The following AGBL1 variants were observed in gnomAD, a reference collection of about 807,000 sequenced individuals.
AGBL1 encodes the protein cytosolic carboxypeptidase 4.
Under a neutral mutation model 118.9 loss-of-function variants are expected in AGBL1, and 130 were observed. That is an observed-to-expected ratio of 1.09 (90% confidence interval 0.95 to 1.26). AGBL1 has a LOEUF of 1.26. Ranked by LOEUF, AGBL1 falls within the 50% of genes most tolerant of loss-of-function variation. The pLI is 0.00. For missense variants in AGBL1, 1,584 were observed against 1,298.1 expected (o/e 1.22, Z -3.38); for synonymous variants, 555 against 478.9 (o/e 1.16, Z -2.08).
intron 22 of AGBL1, among the ~76,000 whole-genome samples, chr15:86,807,138 G>T (rs1374186983): frequency 6.6e-6 from 1 of 152,062 alleles, no homozygotes; most frequent in Non-Finnish European, 1.5e-5. Context: ...ATAGGGGTGG[G>T]TAAAGATCTA....
At chr15:86,558,838 C>A (rs1198072989) in intron 21 of AGBL1, among the ~76,000 whole-genome samples, 1 of 152,132 alleles carries the variant, frequency 6.6e-6, no homozygotes, top group East Asian at 1.9e-4. Context: ...CTTGCAGTAG[C>A]CCAGACTGTA....
chr15:86,227,670 A>T (rs1357190527), intron 6 of AGBL1, among the ~76,000 whole-genome samples: 1 of 152,242 alleles, frequency 6.6e-6, no homozygotes, highest in Non-Finnish European at 1.5e-5. Context: ...TCAAAGTTTC[A>T]AAAGACCCCT....
At chr15:86,834,898 G>A (rs763650738) in intron 22 of AGBL1, among the ~76,000 whole-genome samples, 4 of 152,162 alleles carry the variant, frequency 2.6e-5, no homozygotes, top group African/African-American at 9.7e-5. Flanking sequence ...GGGATCCAGA[G>A]GATAAATTCT....
chr15:86,570,494 A>C lies in AGBL1; in HGVS notation c.2994+15957A>C, dbSNP rs192179040. Among the ~76,000 whole-genome samples the C allele has an allele frequency of 5.3e-5, 8 of 152,304 alleles. No homozygotes were observed. The East Asian group carries it at 7.7e-4, about 15-fold the overall frequency. ...GTAGAATATTCATAAAGATTCCTGG[A>C]AAAAGTGGGAATTTCTCAGAATTAT... On this transcript the variant is annotated intron_variant, in intron 21 of 22. Coordinates refer to ENST00000614907, the MANE Select transcript of AGBL1 (RefSeq NM_001386094.1).
chr15:86,509,218 A>C (rs919035985), intron 18 of AGBL1, among the ~76,000 whole-genome samples: 6 of 152,160 alleles, frequency 3.9e-5, no homozygotes, highest in African/African-American at 1.4e-4. Flanking sequence ...TTGTAGTCAA[A>C]GGAAGTCTCA....
chr15:86,168,394 C>T (rs1443500925), intron 5 of AGBL1, among the ~76,000 whole-genome samples: 3 of 152,090 alleles, frequency 2.0e-5, no homozygotes, highest in Non-Finnish European at 4.4e-5. Flanking sequence ...GACAAAAAAG[C>T]ATGAAAACAA....
chr15:86,467,994 T>C (rs1229324301), intron 18 of AGBL1, among the ~76,000 whole-genome samples: 4 of 152,146 alleles, frequency 2.6e-5, no homozygotes, highest in Admixed American at 2.0e-4. Context: ...GATGTTCCTT[T>C]ATTTTCTTTT....
At chr15:86,537,021 CA>C (rs1479095736) in intron 19 of AGBL1, among the ~76,000 whole-genome samples, 2 of 152,194 alleles carry the variant, frequency 1.3e-5, no homozygotes. Flanking sequence ...TCATCGCAGA[CA>C]GTGAGGGTTG....
chr15:86,714,966 G>C (rs1443209462), intron 22 of AGBL1, among the ~76,000 whole-genome samples: 2 of 152,090 alleles, frequency 1.3e-5, no homozygotes, highest in African/African-American at 4.8e-5. Context: ...TGAAATTTAG[G>C]GTTGCTCAAA....
At chr15:86,919,771 G>GGTGTT (rs2080466416), downstream of AGBL1, among the ~76,000 whole-genome samples, 1 of 152,168 alleles carries the variant, frequency 6.6e-6, no homozygotes, top group African/African-American at 2.4e-5. Context: ...TTTTATAATT[G>GGTGTT]GTGTTGTAAT....
chr15:86,209,441 G>A (rs2078053561), intron 5 of AGBL1, among the ~76,000 whole-genome samples: 2 of 152,132 alleles, frequency 1.3e-5, no homozygotes, highest in South Asian at 4.1e-4. Context: ...TTATTATTGT[G>A]TGGGAGTCTA....
chr15:86,947,326 G>T (rs1032069889), intron 23 of AGBL1, among the ~76,000 whole-genome samples: 1 of 152,156 alleles, frequency 6.6e-6, no homozygotes, highest in Admixed American at 6.5e-5. Context: ...TGGCAAGCTT[G>T]TCTTATTGAC....
intron 22 of AGBL1, among the ~76,000 whole-genome samples, chr15:86,879,496 C>T (rs1266660886): frequency 6.6e-6 from 1 of 152,168 alleles, no homozygotes; most frequent in Non-Finnish European, 1.5e-5. Context: ...TTCAGTGAGA[C>T]ATTTCCCCCT....
chr15:86,171,896 T>C (rs1342910510), intron 5 of AGBL1, among the ~76,000 whole-genome samples: 1 of 152,204 alleles, frequency 6.6e-6, no homozygotes, highest in Non-Finnish European at 1.5e-5. Flanking sequence ...CACAACAACC[T>C]AGATGAAATT....
At chr15:86,307,226 G>A (rs2079854695) in intron 17 of AGBL1, among the ~76,000 whole-genome samples, 1 of 151,924 alleles carries the variant, frequency 6.6e-6, no homozygotes, top group South Asian at 2.1e-4. Context: ...CTTTTAAATT[G>A]TTTATTTTTA....
intron 18 of AGBL1, among the ~76,000 whole-genome samples, chr15:86,509,246 G>C (rs1432413056): frequency 6.6e-6 from 1 of 152,098 alleles, no homozygotes; most frequent in Non-Finnish European, 1.5e-5. Context: ...GGCGAGGCTT[G>C]ATAAGTTTCC....
chr15:86,787,123 A>C (rs2078424037), intron 22 of AGBL1, among the ~76,000 whole-genome samples: 1 of 152,120 alleles, frequency 6.6e-6, no homozygotes, highest in Admixed American at 6.6e-5. Context: ...TTTTTAAATG[A>C]ATTTGTATAT....
intron 5 of AGBL1, among the ~76,000 whole-genome samples, chr15:86,219,204 C>G (rs1163375900): frequency 6.6e-6 from 1 of 152,088 alleles, no homozygotes; most frequent in Non-Finnish European, 1.5e-5. Flanking sequence ...CCTGCAAACA[C>G]ATATACAGAG....
intron 21 of AGBL1, among the ~76,000 whole-genome samples, chr15:86,659,285 G>T (rs1208092494): frequency 6.6e-6 from 1 of 152,078 alleles, no homozygotes; most frequent in Non-Finnish European, 1.5e-5. Context: ...CTTATTAGTG[G>T]ACACTATTTA....
Sources: allele counts gnomAD v4.1 joint callset (sites outside exome capture counted in the v4.1 genomes callset), GRCh38; gene constraint gnomAD v4.1.1; transcripts MANE v1.5; gene names NCBI Gene and HGNC (gene_info 2026-07-23, HGNC 2026-07-21).